The following FOXP2 variants were observed in gnomAD, a reference collection of about 807,000 sequenced individuals.
The protein encoded by FOXP2 is forkhead box protein P2.
FOXP2 carries 12 observed loss-of-function variants against 115.8 expected under a neutral mutation model. That is an observed-to-expected ratio of 0.10 (90% CI 0.07 to 0.17). FOXP2 has a LOEUF of 0.17. FOXP2 is among the 10% of genes least tolerant of loss of function. FOXP2 has a pLI of 1.00. For synonymous variants in FOXP2, 328 were observed against 297.7 expected, an observed-to-expected ratio of 1.10 and a Z score of -1.05; for missense variants, 629 against 843.5, an observed-to-expected ratio of 0.75 and a Z score of 3.15.
chr7:114,635,845 T>C (rs1805190683), intron 6 of FOXP2, among the ~76,000 whole-genome samples: 1 of 152,162 alleles, frequency 6.6e-6, no homozygotes, highest in Non-Finnish European at 1.5e-5. Flanking sequence ...GGAAACATCA[T>C]TGGTTTTGTA....
At chr7:114,280,323 A>C (rs1796300454) in intron 1 of FOXP2, among the ~76,000 whole-genome samples, 1 of 152,004 alleles carries the variant, frequency 6.6e-6, no homozygotes. Context: ...ATTGTCTGAA[A>C]TTCTTTTCCT....
intron 1 of FOXP2, among the ~76,000 whole-genome samples, chr7:114,208,455 TG>T (rs1425776434): frequency 6.6e-6 from 1 of 152,058 alleles, no homozygotes; most frequent in African/African-American, 2.4e-5. Context: ...TTGTCTCACA[TG>T]AGATGTTGGA....
intron 3 of FOXP2, among the ~76,000 whole-genome samples, chr7:114,563,865 C>T (rs1009026504): frequency 1.3e-5 from 2 of 151,188 alleles, no homozygotes; most frequent in African/African-American, 4.9e-5. Context: ...CTTCCAACGT[C>T]CCTTATCCTT....
intron 2 of FOXP2, among the ~76,000 whole-genome samples, chr7:114,462,167 G>C (rs1795592789): frequency 6.7e-6 from 1 of 148,760 alleles, no homozygotes; most frequent in Admixed American, 6.8e-5. Context: ...TGTAGTCCCA[G>C]CTACTCGGGA....
chr7:114,458,650 T>C (rs1367604768), intron 2 of FOXP2, among the ~76,000 whole-genome samples: 1 of 148,370 alleles, frequency 6.7e-6, no homozygotes, highest in East Asian at 2.0e-4. Flanking sequence ...TGAGGTCAGG[T>C]GATCCTCCCG....
At chr7:114,174,022 G>A (rs981826598) in intron 1 of FOXP2, among the ~76,000 whole-genome samples, 5 of 151,696 alleles carry the variant, frequency 3.3e-5, no homozygotes, top group African/African-American at 1.2e-4. Context: ...TCTTTATTTG[G>A]TTATATAAAA....
chr7:114,345,763 G>A (rs1024516764), intron 2 of FOXP2, among the ~76,000 whole-genome samples: 1 of 151,654 alleles, frequency 6.6e-6, no homozygotes, highest in Non-Finnish European at 1.5e-5. Flanking sequence ...GCTTTTGAGG[G>A]TGTGAATAGT....
At chr7:114,128,472 T>G (rs1293270274) in intron 1 of FOXP2, among the ~76,000 whole-genome samples, 1 of 151,858 alleles carries the variant, frequency 6.6e-6, no homozygotes, top group Non-Finnish European at 1.5e-5. Flanking sequence ...ATGAAACAGA[T>G]TCTTGGAGTT....
chr7:114,554,920 G>GTATCTAAAAAAGGGCTTCCTCT (rs1297776419), intron 3 of FOXP2, among the ~76,000 whole-genome samples: 3 of 152,046 alleles, frequency 2.0e-5, no homozygotes, highest in Admixed American at 2.0e-4. Context: ...TCAGACACGT[G>GTATCTAAAAAAGGGCTTCCTCT]TATCTAAAAA....
intron 2 of FOXP2, among the ~76,000 whole-genome samples, chr7:114,344,237 CTCA>C (rs1163950595): frequency 6.6e-6 from 1 of 151,732 alleles, no homozygotes; most frequent in East Asian, 1.9e-4. Context: ...TTCTATGATA[CTCA>C]TCAATATCTA....
At chr7:114,260,854 A>T (rs571266540) in intron 1 of FOXP2, among the ~76,000 whole-genome samples, 1 of 152,200 alleles carries the variant, frequency 6.6e-6, no homozygotes, top group South Asian at 2.1e-4. Flanking sequence ...TAAAAAAAAA[A>T]TATTCCCAGG....
rs1048228951 is a variant in FOXP2, at chr7:114,426,395, C to A, written c.-10-107C>A. 4 of 1,029,600 alleles carry A rather than the reference C, an allele frequency of 3.9e-6. No individual in the cohort carries two copies. In the African/African-American group the frequency reaches 4.8e-5, roughly 12 times the overall value. 63.8% of individuals were successfully genotyped at this position (1,029,600 alleles called of 1,614,324 possible). ...ATGACTATTCAAGGCTTTTTTCTTC[C>A]CCCTCTTCTAAAGATGCTGTCTCTG... On this transcript the variant is annotated intron_variant, in intron 1 of 16. Coordinates refer to ENST00000350908, the MANE Select transcript of FOXP2 (RefSeq NM_014491.4).
chr7:114,401,430 TC>T (rs1188004244), intron 2 of FOXP2, among the ~76,000 whole-genome samples: 1 of 152,194 alleles, frequency 6.6e-6, no homozygotes, highest in Non-Finnish European at 1.5e-5. Context: ...CTTGTCTTTT[TC>T]CCCTTCCTTC....
intron 16 of FOXP2, chr7:114,666,277 C>T (rs560955124): frequency 2.0e-5 from 3 of 151,666 alleles, no homozygotes; most frequent in Non-Finnish European, 4.4e-5. Flanking sequence ...GTAAATTGTC[C>T]CTTTTTCTAA....
intron 1 of FOXP2, among the ~76,000 whole-genome samples, chr7:114,212,384 C>T (rs1218222258): frequency 6.6e-6 from 1 of 151,912 alleles, no homozygotes; most frequent in Non-Finnish European, 1.5e-5. Flanking sequence ...CTCTTATATG[C>T]CAACTATTCT....
At chr7:114,391,708 G>A (rs1031878419) in intron 2 of FOXP2, among the ~76,000 whole-genome samples, 9 of 152,140 alleles carry the variant, frequency 5.9e-5, no homozygotes, top group South Asian at 2.1e-4. Flanking sequence ...ACCATAAAAC[G>A]TAAGCCTTTC....
intron 1 of FOXP2, among the ~76,000 whole-genome samples, chr7:114,122,958 T>C (rs530393476): frequency 2.2e-4 from 33 of 152,220 alleles, no homozygotes; most frequent in Middle Eastern, 3.4e-3. Context: ...GTTCTTATTC[T>C]GCCTTGTTTT....
At chr7:114,642,242 G>C (rs1805575619) in intron 6 of FOXP2, among the ~76,000 whole-genome samples, 168 bp from the exon 7 acceptor site, 1 of 152,068 alleles carries the variant, frequency 6.6e-6, no homozygotes, top group Admixed American at 6.6e-5. Flanking sequence ...TGTTTTTCAA[G>C]ACAAAAGCTT....
chr7:114,452,254 A>G (rs563555023), intron 2 of FOXP2, among the ~76,000 whole-genome samples: 31 of 152,110 alleles, frequency 2.0e-4, no homozygotes, highest in Admixed American at 1.4e-3. Context: ...ACACCACCCT[A>G]TAAATCTCTT....
Sources: gnomAD v4.1 joint callset for allele counts (sites outside exome capture counted in the v4.1 genomes callset) on GRCh38, gnomAD v4.1.1 for gene constraint, MANE v1.5 for transcripts, NCBI Gene and HGNC (gene_info 2026-07-23, HGNC 2026-07-21) for gene names.